RAI1: variants seen among roughly 807,000 people sequenced by gnomAD.
RAI1 encodes the protein retinoic acid induced 1, also known as retinoic acid-induced protein 1.
In RAI1, 9 loss-of-function variants were observed where a neutral mutation model predicts 123.8. The observed-to-expected ratio is 0.07, with a 90% CI of 0.04 to 0.13. The LOEUF is 0.13. Ranked by LOEUF, RAI1 falls within the 10% of genes least tolerant of loss-of-function variation. The pLI, the probability that RAI1 is intolerant of heterozygous loss-of-function variation, is 1.00. For missense variants in RAI1, 2,256 were observed against 2,545.8 expected (o/e 0.89, Z 2.45); for synonymous variants, 1,231 against 1,127.3 (o/e 1.09, Z -1.84).
rs578134099 is a variant in RAI1 at position 17,760,551 on chromosome 17, C to T, written c.-16-32382C>T. ...ATGGAGAGGGGCCCCTGACGTCCAA[C>T]GTCCACTCCCAGAGTCCCACACCAA... On this transcript the variant is annotated intron_variant, in intron 2 of 5. Transcript: ENST00000353383. Among the ~76,000 whole-genome samples the T allele has an allele frequency of 1.4e-3, 216 of 152,330 alleles. 1 individual carries two copies. Among genetic ancestry groups the T allele is most frequent in the African/African-American group, 5.0e-3 (207 of 41,578 alleles).
chr17:17,777,405 C>T (rs8066159), intron 2 of RAI1: 14,000 of 152,260 alleles, frequency 0.092, 984 homozygotes, highest in African/African-American at 0.19. Flanking sequence ...GCACCCGTTA[C>T]CAACTGCAAG....
rs2032389185 is a variant in RAI1 at position 17,799,660 on chromosome 17, G to A, written c.5565+1147G>A. Among the ~76,000 whole-genome samples, 1 of 152,196 alleles carries A rather than the reference G, an allele frequency of 6.6e-6. No individual in the cohort carries two copies. Among genetic ancestry groups the A allele is most frequent in the Non-Finnish European group, 1.5e-5 (1 of 68,028 alleles). On this transcript the variant is annotated intron_variant, in intron 3 of 5. Transcript: ENST00000353383. This position sits in a 1 kb window ranked among gnomAD's most constrained non-coding sequence, Gnocchi z 4.5. ...CCACTATGTGCGGCTGAGGTCACAG[G>A]GGAGCCAGAGGGGCTTGGCAGGGGT...
chr17:17,782,467 C>T (rs1278857026), intron 2 of RAI1, among the ~76,000 whole-genome samples: 1 of 151,694 alleles, frequency 6.6e-6, no homozygotes, highest in East Asian at 2.0e-4. Flanking sequence ...GGGCCGCGCG[C>T]CCGGGCCCCC....
intron 1 of RAI1, among the ~76,000 whole-genome samples, chr17:17,694,386 C>G (rs775820143): frequency 6.6e-6 from 1 of 152,072 alleles, no homozygotes; most frequent in Non-Finnish European, 1.5e-5. Flanking sequence ...GGAGGGGCAT[C>G]TTTTCTGGGG....
chr17:17,795,705 C>T lies in RAI1; in HGVS notation c.2757C>T (p.His919=), dbSNP rs2032211914. ...DSKAGWGSPC[H]LSGESVILLG... ...AGGCCGGCTGGGGCTCTCCGTGCCA[C>T]CTCTCAGGGGAGTCCGTCATCCTGC... The change falls in exon 3 of 6, where the codon CAC becomes CAT. Residue 919 remains histidine (H), a synonymous_variant. Transcript: ENST00000353383. The surrounding 1 kb of genome is among the most constrained non-coding windows in gnomAD (Gnocchi z 5.9). The T allele has an allele frequency of 1.2e-6, 2 of 1,613,388 alleles. No homozygotes were observed. Among genetic ancestry groups the T allele is most frequent in the East Asian group, 2.2e-5 (1 of 44,876 alleles).
intron 2 of RAI1, among the ~76,000 whole-genome samples, chr17:17,724,702 G>C (rs1391492758): frequency 1.3e-5 from 2 of 152,166 alleles, no homozygotes; most frequent in Non-Finnish European, 2.9e-5. Context: ...TCCCGAGAGC[G>C]CGGCCTCCCT....
chr17:17,699,243 C>G (rs1212910898), intron 1 of RAI1, among the ~76,000 whole-genome samples: 1 of 152,188 alleles, frequency 6.6e-6, no homozygotes, highest in East Asian at 1.9e-4. Flanking sequence ...CTGCCAGGGC[C>G]CTCAAGACAT....
chr17:17,688,006 G>T (rs924330366), intron 1 of RAI1, among the ~76,000 whole-genome samples: 3 of 132,768 alleles, frequency 2.3e-5, no homozygotes, highest in African/African-American at 9.4e-5. Context: ...CTCCAGCCTG[G>T]GTGAAGGAGA....
chr17:17,808,731 G>A (rs1266868354), intron 4 of RAI1, among the ~76,000 whole-genome samples: 1 of 152,182 alleles, frequency 6.6e-6, no homozygotes, highest in Non-Finnish European at 1.5e-5. Flanking sequence ...ACAGACATGA[G>A]CCACTGCTGC....
rs974097383 is a variant in RAI1, at chr17:17,717,506, C to T, written c.-148-6522C>T. On this transcript the variant is annotated intron_variant, in intron 1 of 5. Transcript: ENST00000353383. ...CCCCTGCCTGCCTCTCAGTGCATTT[C>T]CTCAGGCACCCTCTGGTGCCTAACC... 2.0e-5 allele frequency among the ~76,000 whole-genome samples: 3 copies of T among 152,244 alleles called. No individual in the cohort carries two copies. In the South Asian group the frequency reaches 6.2e-4, roughly 32 times the overall value.
At chr17:17,807,197 G>A (rs1307211141) in intron 4 of RAI1, among the ~76,000 whole-genome samples, 3 of 151,048 alleles carry the variant, frequency 2.0e-5, no homozygotes, top group South Asian at 2.1e-4. Context: ...CGGGGAGGAC[G>A]GGCGCTTGGG....
chr17:17,797,217 T>C lies in RAI1; in HGVS notation c.4269T>C (p.Cys1423=). 2 of 1,613,644 alleles carry C rather than the reference T, an allele frequency of 1.2e-6. No individual in the cohort carries two copies. Among genetic ancestry groups the C allele is most frequent in the Non-Finnish European group, 8.5e-7 (1 of 1,180,014 alleles). The change falls in exon 3 of 6, where the codon TGT becomes TGC. Residue 1423 remains cysteine (C), a synonymous_variant. Transcript: ENST00000353383. The part of the protein sequence containing the change: ...MNSKKLSSTD[C]FKTEAFTSPE... Reference sequence around the variant, plus strand: ...GTAAGAAACTGTCTTCTACTGACTGTTTCAAAACCGAGGCCTTCACATCCC... The same window carrying C: ...GTAAGAAACTGTCTTCTACTGACTGCTTCAAAACCGAGGCCTTCACATCCC...
chr17:17,720,212 A>G (rs1446029457), intron 1 of RAI1, among the ~76,000 whole-genome samples: 4 of 152,132 alleles, frequency 2.6e-5, no homozygotes, highest in Non-Finnish European at 4.4e-5. Context: ...GCATCTGGAC[A>G]CACACTTGCA....
chr17:17,790,170 A>C (rs748658233), intron 2 of RAI1, among the ~76,000 whole-genome samples: 3 of 152,140 alleles, frequency 2.0e-5, no homozygotes, highest in Non-Finnish European at 4.4e-5. Context: ...CATAATAATT[A>C]ATAACAACAG....
chr17:17,693,391 C>T (rs1914905364), intron 1 of RAI1, among the ~76,000 whole-genome samples: 1 of 152,244 alleles, frequency 6.6e-6, no homozygotes, highest in African/African-American at 2.4e-5. Flanking sequence ...AGCTTGATCA[C>T]AAAAGGAGAG....
chr17:17,802,427 T>C (rs2032492567), intron 3 of RAI1, among the ~76,000 whole-genome samples: 1 of 152,150 alleles, frequency 6.6e-6, no homozygotes, highest in African/African-American at 2.4e-5. Flanking sequence ...AATGGGAGCC[T>C]CAGTTTCACC....
chr17:17,749,300 TAGC>T (rs1567870497), intron 2 of RAI1, among the ~76,000 whole-genome samples: 1 of 152,182 alleles, frequency 6.6e-6, no homozygotes, highest in African/African-American at 2.4e-5. Context: ...GGAGCCTTAA[TAGC>T]AGCAACTCTC....
rs62064077 is a variant in RAI1 at position 17,691,549 on chromosome 17, C to T, written c.-149+9756C>T. On this transcript the variant is annotated intron_variant, in intron 1 of 5. Transcript: ENST00000353383. Reference sequence around the variant, plus strand: ...AGGGAGGGCCTTTGGGGAGGTCTTTCCAGCTGAGGGCACAGCCCAGGCAAA... The same window carrying T: ...AGGGAGGGCCTTTGGGGAGGTCTTTTCAGCTGAGGGCACAGCCCAGGCAAA... Among the ~76,000 whole-genome samples the T allele has an allele frequency of 6.0e-3, 920 of 152,316 alleles. 10 individuals are homozygous for T. The highest frequency in any genetic ancestry group is 0.01 in the Middle Eastern group (3 of 294).
At position 17,797,830 on chromosome 17, in the gene RAI1, TCCTCCTCTG is replaced by T. The variant is rs2032320208; in HGVS notation, c.4891_4899del (p.Ala1631_Ser1633del). 3 of 1,613,818 alleles carry T rather than the reference TCCTCCTCTG, an allele frequency of 1.9e-6. No homozygotes were observed. The highest frequency in any genetic ancestry group is 2.5e-6 in the Non-Finnish European group (3 of 1,180,010). On this transcript the variant is annotated inframe_deletion, in exon 3 of 6. Transcript: ENST00000353383. ...TGCGCCCAAGCCCCACAGGAAGCCT[TCCTCCTCTG>T]CCTCCTCTTCCTCATCCTCGTCCTC...
Sources: allele counts gnomAD v4.1 joint callset (sites outside exome capture counted in the v4.1 genomes callset), GRCh38; gene constraint gnomAD v4.1.1; non-coding constraint Gnocchi (gnomAD v3.1); transcripts MANE v1.5; gene names NCBI Gene and HGNC (gene_info 2026-07-23, HGNC 2026-07-21).